The following OSBPL9 variants were observed in gnomAD, a reference collection of about 807,000 sequenced individuals.
OSBPL9 encodes the protein oxysterol binding protein like 9, also known as oxysterol-binding protein-related protein 9.
In OSBPL9, 40 loss-of-function variants were observed where a neutral mutation model predicts 106.6. That is an observed-to-expected ratio of 0.38 (90% confidence interval 0.29 to 0.49). The LOEUF (loss-of-function observed/expected upper bound fraction) is 0.49, where lower values mean the gene tolerates loss of function less well. Among genes scored for constraint, OSBPL9 ranks in the 20% least tolerant of loss-of-function variants. The probability of loss-of-function intolerance (pLI) is 0.97; values close to 1 mark genes in which losing one functional copy is unlikely to be tolerated. For synonymous variants in OSBPL9, 269 were observed against 295.4 expected (o/e 0.91, Z 0.92); for missense variants, 609 against 887.2 (o/e 0.69, Z 3.98).
chr1:51,544,782 A>G, the OSBPL9 span, among the ~76,000 whole-genome samples: 4 of 151,448 alleles, frequency 2.6e-5, no homozygotes, highest in African/African-American at 9.7e-5. Context: ...AGTGAATCTC[A>G]CCAATGGGAT....
At chr1:51,547,902 C>T in the OSBPL9 span, among the ~76,000 whole-genome samples, 131 of 151,402 alleles carry the variant, frequency 8.7e-4, no homozygotes, top group Non-Finnish European at 1.6e-3. Context: ...GACATTGTCA[C>T]CAACCAAAGA....
chr1:51,583,572 A>G (rs1382365287), intron 1 of OSBPL9: 2 of 152,280 alleles, frequency 1.3e-5, no homozygotes, highest in African/African-American at 4.8e-5. Context: ...ATCGGTTTGT[A>G]CTTGAGACCT....
intron 8 of OSBPL9, 81 bp downstream of exon 8, chr1:51,750,276 C>G: frequency 1.1e-6 from 1 of 933,018 alleles, no homozygotes; most frequent in Non-Finnish European, 1.7e-6. Context: ...AGCAAAAAAA[C>G]TCAGATCTGA....
intron 4 of OSBPL9, among the ~76,000 whole-genome samples, chr1:51,743,801 C>T (rs989160094): frequency 6.6e-6 from 1 of 152,092 alleles, no homozygotes; most frequent in Non-Finnish European, 1.5e-5. Context: ...TAGTACAGTA[C>T]TCTAATATCT....
intron 2 of OSBPL9, among the ~76,000 whole-genome samples, chr1:51,653,169 T>G (rs567433729): frequency 6.6e-6 from 1 of 152,222 alleles, no homozygotes; most frequent in Non-Finnish European, 1.5e-5. Context: ...AGCACAAAGA[T>G]TTTTAAAAAT....
At chr1:51,684,425 G>A (rs1426302076) in intron 3 of OSBPL9, among the ~76,000 whole-genome samples, 1 of 152,126 alleles carries the variant, frequency 6.6e-6, no homozygotes, top group African/African-American at 2.4e-5. Context: ...TAATATTTGT[G>A]TTAACTGGCT....
intron 4 of OSBPL9, among the ~76,000 whole-genome samples, chr1:51,714,828 G>A (rs1226828117): frequency 6.6e-6 from 1 of 152,186 alleles, no homozygotes; most frequent in Non-Finnish European, 1.5e-5. Flanking sequence ...CACAGTCATA[G>A]ATTCTACCCT....
chr1:51,549,128 T>TG, the OSBPL9 span, among the ~76,000 whole-genome samples: 1 of 152,104 alleles, frequency 6.6e-6, no homozygotes, highest in Non-Finnish European at 1.5e-5. Flanking sequence ...CAGGCACCAG[T>TG]CTACAGGGAG....
At chr1:51,681,963 A>G (rs1486618641) in intron 3 of OSBPL9, among the ~76,000 whole-genome samples, 1 of 152,172 alleles carries the variant, frequency 6.6e-6, no homozygotes, top group African/African-American at 2.4e-5. Context: ...GCACTTTGGG[A>G]GGCTGATGTG....
chr1:51,658,167 A>G (rs774725942), intron 2 of OSBPL9, among the ~76,000 whole-genome samples: 4 of 151,862 alleles, frequency 2.6e-5, no homozygotes, highest in Non-Finnish European at 5.9e-5. Context: ...GCATGTATGT[A>G]ATGAAATTCA....
At chr1:51,727,547 G>A (rs997693872) in intron 4 of OSBPL9, among the ~76,000 whole-genome samples, 12 of 152,204 alleles carry the variant, frequency 7.9e-5, no homozygotes, top group Non-Finnish European at 1.8e-4. Flanking sequence ...AGTGGTTCAT[G>A]GGATTGACTG....
At chr1:51,526,509 G>A in the OSBPL9 span, among the ~76,000 whole-genome samples, 2 of 152,152 alleles carry the variant, frequency 1.3e-5, no homozygotes, top group African/African-American at 4.8e-5. Context: ...GTTAAATGAT[G>A]CAACTGGTGT....
At chr1:51,767,393 TAAA>T (rs757038967) in intron 12 of OSBPL9, among the ~76,000 whole-genome samples, 2 of 138,766 alleles carry the variant, frequency 1.4e-5, no homozygotes, top group Admixed American at 1.4e-4. Flanking sequence ...GACTCTGTCT[TAAA>T]AAAAAAAAAA....
chr1:51,776,644 C>T (rs1351721358), intron 14 of OSBPL9, among the ~76,000 whole-genome samples, 189 bp from the exon 15 acceptor site: 1 of 151,968 alleles, frequency 6.6e-6, no homozygotes, highest in African/African-American at 2.4e-5. Flanking sequence ...ATCTGCTAGG[C>T]AGGTTAATGG....
chr1:51,579,856 A>AAATAATAATAATAATAAT (rs34556128), intron 1 of OSBPL9, among the ~76,000 whole-genome samples: 9,500 of 143,664 alleles, frequency 0.066, 388 homozygotes, highest in African/African-American at 0.1. Flanking sequence ...CTCTGTCTCA[A>AAATAATAATAATAATAAT]AATAATAATA....
chr1:51,751,649 A>C (rs962736607), intron 8 of OSBPL9, among the ~76,000 whole-genome samples: 8 of 152,166 alleles, frequency 5.3e-5, no homozygotes, highest in African/African-American at 1.9e-4. Context: ...GCCCTGTTTG[A>C]GTGACTAGGT....
intron 16 of OSBPL9, among the ~76,000 whole-genome samples, chr1:51,782,168 A>C (rs1195318133): frequency 1.3e-5 from 2 of 152,196 alleles, no homozygotes; most frequent in Non-Finnish European, 2.9e-5. Context: ...AGTAAAAAAA[A>C]CAAAACCATA....
intron 4 of OSBPL9, among the ~76,000 whole-genome samples, chr1:51,737,323 T>C (rs996925196): frequency 6.6e-6 from 1 of 152,076 alleles, no homozygotes; most frequent in Admixed American, 6.6e-5. Flanking sequence ...TTATAAAATT[T>C]TCTAAAAATG....
At chr1:51,777,032 A>G in intron 15 of OSBPL9, 114 bp downstream of exon 15, 2 of 821,228 alleles carry the variant, frequency 2.4e-6, no homozygotes, top group Non-Finnish European at 4.0e-6. Flanking sequence ...ATTTCTGGGT[A>G]TTCTGTGGTA....
Sources: allele counts gnomAD v4.1 joint callset (sites outside exome capture counted in the v4.1 genomes callset), GRCh38; gene constraint gnomAD v4.1.1; transcripts MANE v1.5; gene names NCBI Gene and HGNC (gene_info 2026-07-23, HGNC 2026-07-21).